FNDC1: variants seen among roughly 807,000 people sequenced by gnomAD.
The protein encoded by FNDC1 is fibronectin type III domain-containing protein 1.
Under a neutral mutation model 168.0 loss-of-function variants are expected in FNDC1, and 96 were observed. The observed-to-expected ratio is 0.57, with a 90% CI of 0.48 to 0.68. The LOEUF (loss-of-function observed/expected upper bound fraction) is 0.68, where lower values mean the gene tolerates loss of function less well. FNDC1 is among the 30% of genes least tolerant of loss of function. The pLI is 0.00. For synonymous variants in FNDC1, 1,099 were observed against 1,025.9 expected (o/e 1.07, Z -1.36); for missense variants, 2,587 against 2,482.1 (o/e 1.04, Z -0.90).
chr6:159,197,137 G>A (rs1266317785), intron 1 of FNDC1, among the ~76,000 whole-genome samples: 1 of 152,150 alleles, frequency 6.6e-6, no homozygotes, highest in Admixed American at 6.5e-5. Flanking sequence ...TCTGTCACTA[G>A]CAAGACAGTG....
chr6:159,269,205 ATAT>A (rs1562315617), intron 22 of FNDC1, among the ~76,000 whole-genome samples: 8,721 of 115,382 alleles, frequency 0.076, 670 homozygotes, highest in East Asian at 0.094. Flanking sequence ...CTACCTATTC[ATAT>A]CTATCTATCT....
At chr6:159,253,887 C>T (rs528769404) in intron 17 of FNDC1, among the ~76,000 whole-genome samples, 28 of 152,342 alleles carry the variant, frequency 1.8e-4, no homozygotes, top group South Asian at 1.0e-3. Flanking sequence ...GCTGGGTTTC[C>T]GTGGCACACG....
intron 4 of FNDC1, among the ~76,000 whole-genome samples, chr6:159,209,753 T>G (rs1302663593): frequency 2.0e-5 from 3 of 152,248 alleles, no homozygotes; most frequent in African/African-American, 7.2e-5. Context: ...TGGCATTGAT[T>G]AGCTCAGGGG....
At position 159,232,951 on chromosome 6, in the gene FNDC1, C is replaced by G; in HGVS notation, c.2439C>G (p.Ala813=). 1 of 1,611,068 alleles carries G rather than the reference C, an allele frequency of 6.2e-7. No individual in the cohort carries two copies. The highest frequency in any genetic ancestry group is 1.1e-5 in the South Asian group (1 of 90,816). The change falls in exon 11 of 23, where the codon GCC becomes GCG. Residue 813 remains alanine (A), a synonymous_variant. Transcript: ENST00000297267. This position sits in a 1 kb window ranked among gnomAD's most constrained non-coding sequence, Gnocchi z 4.9. The part of the protein sequence containing the change: ...ATAQTLRARP[A]SGHFHLLRHK... ...CCCAGACGCTGCGGGCCCGGCCTGC[C>G]TCTGGACACTTCCATTTGCTCAGAC...
chr6:159,242,134 C>T (rs1051774293), intron 14 of FNDC1, among the ~76,000 whole-genome samples: 6 of 152,152 alleles, frequency 3.9e-5, no homozygotes, highest in Non-Finnish European at 8.8e-5. Context: ...CCATATACAC[C>T]ATGGAATACT....
rs555895196 is a variant in FNDC1, at chr6:159,172,279, T to C, written c.109+2574T>C. The stretch of plus-strand genomic sequence containing the variant: ...CATTAAGCTAGCTGGTTTTTTAAAA[T>C]GGAATGTGGTATTTACCACAAAGAA... On this transcript the variant is annotated intron_variant, in intron 1 of 22. Transcript: ENST00000297267. 6.6e-5 allele frequency among the ~76,000 whole-genome samples: 10 copies of C among 152,316 alleles called. No individual in the cohort carries two copies. In the East Asian group the frequency reaches 1.9e-3, roughly 29 times the overall value.
At position 159,239,992 on chromosome 6, in the gene FNDC1, A is replaced by G. The variant is rs148237842; in HGVS notation, c.4621+35A>G. ...TTTGTTCTAATGCTAACTACTTACC[A>G]GGCACACTAGCACGCCGCAACTCAG... On this transcript the variant is annotated intron_variant, in intron 14 of 22. Transcript: ENST00000297267. 1,816 of 1,454,120 alleles carry G rather than the reference A, an allele frequency of 1.2e-3. 29 individuals are homozygous for G. In the East Asian group the frequency reaches 0.027, roughly 21 times the overall value. The allele number at this position is 1,454,120 out of a possible 1,614,324, so 90.1% of individuals were successfully genotyped here.
intron 11 of FNDC1, among the ~76,000 whole-genome samples, chr6:159,235,251 T>C (rs1783223447): frequency 6.6e-6 from 1 of 152,224 alleles, no homozygotes; most frequent in Non-Finnish European, 1.5e-5. Context: ...TTGCATTCAG[T>C]TAAATGGTGC....
At chr6:159,215,840 T>A (rs428165) in intron 5 of FNDC1, among the ~76,000 whole-genome samples, 9 of 152,020 alleles carry the variant, frequency 5.9e-5, no homozygotes, top group African/African-American at 2.2e-4. Context: ...ATTCTAGCTG[T>A]GCTGGCAGTT....
At chr6:159,269,092 CTAT>C (rs1219452072) in intron 22 of FNDC1, among the ~76,000 whole-genome samples, 1 of 126,792 alleles carries the variant, frequency 7.9e-6, no homozygotes, top group Admixed American at 8.3e-5. Flanking sequence ...ATCTATCTAT[CTAT>C]CTATCCATTT....
intron 10 of FNDC1, among the ~76,000 whole-genome samples, chr6:159,231,570 A>AATT (rs1463889083): frequency 6.6e-6 from 1 of 152,256 alleles, no homozygotes; most frequent in Non-Finnish European, 1.5e-5. Flanking sequence ...CATTTATAAA[A>AATT]TAAATGAGTT....
chr6:159,206,412 G>A (rs1223577419), intron 4 of FNDC1, among the ~76,000 whole-genome samples: 1 of 152,222 alleles, frequency 6.6e-6, no homozygotes, highest in Non-Finnish European at 1.5e-5. Context: ...AGCTCCTTAA[G>A]GGCAGGGTGC....
At chr6:159,224,821 A>G (rs1219330964) in intron 7 of FNDC1, among the ~76,000 whole-genome samples, 1 of 152,220 alleles carries the variant, frequency 6.6e-6, no homozygotes, top group Non-Finnish European at 1.5e-5. Flanking sequence ...GAGGCCACAA[A>G]GACAATTTCT....
chr6:159,248,431 G>A (rs1172264476), intron 15 of FNDC1, among the ~76,000 whole-genome samples: 1 of 151,964 alleles, frequency 6.6e-6, no homozygotes, highest in African/African-American at 2.4e-5. Context: ...TCAGCCTCCT[G>A]AGTAGCTGGG....
At position 159,222,984 on chromosome 6, in the gene FNDC1, A is replaced by ATTT. The variant is rs201310702; in HGVS notation, c.767-518_767-516dup. On this transcript the variant is annotated intron_variant, in intron 6 of 22. Coordinates refer to ENST00000297267, the MANE Select transcript of FNDC1 (RefSeq NM_032532.3). ...GGGCAGCTTTTAAAGTGAAATACTCATTTTTTTTTTTTTTTTTTTTTTTTT... is the reference window on the plus strand; with the variant it reads ...GGGCAGCTTTTAAAGTGAAATACTCATTTTTTTTTTTTTTTTTTTTTTTTTTTT... Among the ~76,000 whole-genome samples the ATTT allele has an allele frequency of 1.5e-4, 18 of 116,880 alleles. 3 individuals carry two copies. The highest frequency in any genetic ancestry group is 2.7e-4 in the South Asian group (1 of 3,748). The allele number at this position is 116,880 out of a possible 152,430, so 76.7% of individuals were successfully genotyped here.
intron 15 of FNDC1, among the ~76,000 whole-genome samples, chr6:159,247,776 C>A (rs1211787201): frequency 6.6e-6 from 1 of 152,060 alleles, no homozygotes; most frequent in Non-Finnish European, 1.5e-5. Context: ...GTTAAGAATA[C>A]AAAGTGCCTT....
chr6:159,188,369 C>CTTTTTTTTTTTT (rs61551779), intron 1 of FNDC1, among the ~76,000 whole-genome samples: 2 of 128,672 alleles, frequency 1.6e-5, no homozygotes, highest in Non-Finnish European at 1.7e-5. Context: ...CAATTTCTTT[C>CTTTTTTTTTTTT]TTTTTTTTTT....
intron 4 of FNDC1, among the ~76,000 whole-genome samples, chr6:159,209,015 T>A (rs1200348793): frequency 1.3e-5 from 2 of 151,932 alleles, no homozygotes; most frequent in Non-Finnish European, 2.9e-5. Flanking sequence ...GCCCAGCTAA[T>A]TTTGTATTTT....
intron 4 of FNDC1, among the ~76,000 whole-genome samples, chr6:159,208,564 C>T (rs1365627007): frequency 6.6e-6 from 1 of 152,216 alleles, no homozygotes; most frequent in African/African-American, 2.4e-5. Context: ...CAGCCCAGCA[C>T]AGCCTCAGAC....
Sources: allele counts gnomAD v4.1 joint callset (sites outside exome capture counted in the v4.1 genomes callset), GRCh38; gene constraint gnomAD v4.1.1; non-coding constraint Gnocchi (gnomAD v3.1); transcripts MANE v1.5; gene names NCBI Gene and HGNC (gene_info 2026-07-23, HGNC 2026-07-21).